Variants in SEMA3A observed in about 807,000 individuals in gnomAD.
SEMA3A encodes the protein semaphorin-3A.
In SEMA3A, 29 loss-of-function variants were observed where a neutral mutation model predicts 97.9. That is an observed-to-expected ratio of 0.30 (90% CI 0.22 to 0.40). SEMA3A has a LOEUF of 0.40. Among genes scored for constraint, SEMA3A ranks in the 10% least tolerant of loss-of-function variants. The pLI is 1.00. For synonymous variants in SEMA3A, 321 were observed against 323.7 expected (o/e 0.99, Z 0.09); for missense variants, 763 against 951.3 (o/e 0.80, Z 2.60).
chr7:84,441,401 G>T (rs184182467), intron 1 of SEMA3A, among the ~76,000 whole-genome samples: 5 of 150,548 alleles, frequency 3.3e-5, no homozygotes, highest in Non-Finnish European at 5.9e-5. Context: ...TATAATAACA[G>T]AAATGAAAAA....
chr7:84,065,942 C>A (rs991561893), intron 4 of SEMA3A, among the ~76,000 whole-genome samples: 1 of 151,480 alleles, frequency 6.6e-6, no homozygotes, highest in Non-Finnish European at 1.5e-5. Context: ...CATTCTGATA[C>A]CAAAGCCAGG....
At chr7:83,985,882 T>C (rs1016871564) in intron 12 of SEMA3A, among the ~76,000 whole-genome samples, 4 of 152,136 alleles carry the variant, frequency 2.6e-5, no homozygotes, top group Non-Finnish European at 5.9e-5. Context: ...CAGGGGTAAT[T>C]CTATGCTTAA....
At chr7:84,439,322 G>T (rs762520995) in intron 1 of SEMA3A, among the ~76,000 whole-genome samples, 43 of 152,168 alleles carry the variant, frequency 2.8e-4, no homozygotes, top group South Asian at 6.2e-4. Flanking sequence ...AAGCATGAAA[G>T]GGTTAGGACA....
chr7:83,977,075 C>T, intron 15 of SEMA3A, 57 bp downstream of exon 15: 1 of 978,138 alleles, frequency 1.0e-6, no homozygotes, highest in Non-Finnish European at 1.5e-6. Flanking sequence ...CATGAATATG[C>T]ATTATTATGA....
At chr7:84,390,415 T>G (rs919802740) in intron 1 of SEMA3A, among the ~76,000 whole-genome samples, 5 of 151,138 alleles carry the variant, frequency 3.3e-5, no homozygotes, top group Admixed American at 3.3e-4. Context: ...TTTTAGAATA[T>G]TAACCCCTTT....
intron 2 of SEMA3A, among the ~76,000 whole-genome samples, chr7:84,345,654 A>T (rs1253964617): frequency 6.6e-6 from 1 of 152,128 alleles, no homozygotes; most frequent in Non-Finnish European, 1.5e-5. Flanking sequence ...ATAAGAAGCA[A>T]CTCCTTATCC....
At chr7:84,097,989 T>C (rs1312527138) in intron 4 of SEMA3A, among the ~76,000 whole-genome samples, 1 of 152,070 alleles carries the variant, frequency 6.6e-6, no homozygotes, top group Non-Finnish European at 1.5e-5. Context: ...AAAAATGTAA[T>C]ATTTCAACAT....
In SEMA3A at chr7:84,321,894, AAAAAAG is replaced by A. The variant is rs1412222542; in HGVS notation, c.-168-14608_-168-14603del. Among the ~76,000 whole-genome samples, 82 of 120,384 alleles carry A rather than the reference AAAAAAG, an allele frequency of 6.8e-4. 2 individuals are homozygous for A. Among genetic ancestry groups the A allele is most frequent in the Non-Finnish European group, 1.2e-3 (64 of 54,274 alleles). 79.0% of individuals were successfully genotyped at this position (120,384 alleles called of 152,430 possible). A position where few individuals can be genotyped will look rare whatever the true frequency, so the allele number is the denominator to read the frequency against. On this transcript the variant is annotated intron_variant, in intron 2 of 3. Coordinates refer to the SEMA3A transcript ENST00000424555. The stretch of plus-strand genomic sequence containing the variant: ...ACGGAAAAAAAAAAAAAAAAAAAAA[AAAAAAG>A]AAGAAGAAGAAGGAGGAAATACCTG...
chr7:84,002,799 T>TTA (rs200860713), intron 11 of SEMA3A, among the ~76,000 whole-genome samples: 2 of 137,764 alleles, frequency 1.5e-5, no homozygotes, highest in Non-Finnish European at 3.2e-5. Flanking sequence ...TGAATGCATT[T>TTA]TATAGAGATT....
chr7:84,344,458 G>A (rs1802246632), intron 2 of SEMA3A, among the ~76,000 whole-genome samples: 2 of 152,130 alleles, frequency 1.3e-5, no homozygotes, highest in South Asian at 4.1e-4. Context: ...GAGAAGGAGA[G>A]AAGACCCAAG....
At chr7:84,312,873 T>TATATAC (rs1801364546) in intron 2 of SEMA3A, among the ~76,000 whole-genome samples, 1 of 14,350 alleles carries the variant, frequency 7.0e-5, no homozygotes. Context: ...GGTGTTGTTT[T>TATATAC]ATATATATAT....
intron 9 of SEMA3A, among the ~76,000 whole-genome samples, chr7:84,009,267 G>A (rs961823638): frequency 5.9e-5 from 9 of 152,194 alleles, no homozygotes; most frequent in Non-Finnish European, 1.2e-4. Context: ...GTAAACAGAA[G>A]AAATGGATTC....
chr7:84,086,380 C>T (rs1794341352), intron 4 of SEMA3A, among the ~76,000 whole-genome samples: 1 of 149,108 alleles, frequency 6.7e-6, no homozygotes, highest in Non-Finnish European at 1.5e-5. Flanking sequence ...TGTTCCTATG[C>T]GATGATAACA....
intron 3 of SEMA3A, among the ~76,000 whole-genome samples, chr7:84,261,532 T>G (rs542368120): frequency 1.3e-5 from 2 of 152,258 alleles, no homozygotes; most frequent in African/African-American, 4.8e-5. Flanking sequence ...GCCACCACAT[T>G]CCCCTCATCC....
rs1290200773 is a variant in SEMA3A, at chr7:83,956,735, T to C, written c.*4636A>G. On this transcript the variant is annotated 3_prime_UTR_variant, in exon 17 of 17. Coordinates refer to ENST00000265362, the MANE Select transcript of SEMA3A (RefSeq NM_006080.3). ...TTCTTTATGAAACCTGTGTTTTATCTGTTTGAATGCTTGTTCTCAGAAAAA... is the reference window on the plus strand; with the variant it reads ...TTCTTTATGAAACCTGTGTTTTATCCGTTTGAATGCTTGTTCTCAGAAAAA... 1 of 152,134 alleles carries C rather than the reference T, an allele frequency of 6.6e-6. No homozygotes were observed. The highest frequency in any genetic ancestry group is 1.5e-5 in the Non-Finnish European group (1 of 67,998). 9.4% of individuals were successfully genotyped at this position (152,134 alleles called of 1,614,324 possible).
rs1491410117 is a variant in SEMA3A at position 84,154,690 on chromosome 7, A to AG, written c.113-19740_113-19739insC. 4.6e-5 allele frequency among the ~76,000 whole-genome samples: 5 copies of AG among 107,624 alleles called. No individual in the cohort carries two copies. In the East Asian group the frequency reaches 1.7e-3, roughly 37 times the overall value. The allele number at this position is 107,624 out of a possible 152,430, so 70.6% of individuals were successfully genotyped here. A position where few individuals can be genotyped will look rare whatever the true frequency, so the allele number is the denominator to read the frequency against. On this transcript the variant is annotated intron_variant, in intron 1 of 16. Transcript: ENST00000265362. ...GACTTAGTCTCAGGGAAAAAAAAAA[A>AG]CAAAAAAAAAAAACAAAAAAAAGAC...
intron 10 of SEMA3A, among the ~76,000 whole-genome samples, chr7:84,006,269 A>T (rs949438410): frequency 1.3e-5 from 2 of 152,124 alleles, no homozygotes; most frequent in Non-Finnish European, 2.9e-5. Context: ...ATGCTAAAAT[A>T]CAAATTCTCT....
At chr7:84,282,986 C>G (rs967378732) in intron 3 of SEMA3A, among the ~76,000 whole-genome samples, 3 of 151,776 alleles carry the variant, frequency 2.0e-5, no homozygotes, top group Non-Finnish European at 2.9e-5. Context: ...TGCACTCTAG[C>G]CTGGGCAATA....
At chr7:84,467,318 C>A (rs1240436236) in intron 1 of SEMA3A, among the ~76,000 whole-genome samples, 1 of 151,890 alleles carries the variant, frequency 6.6e-6, no homozygotes, top group Non-Finnish European at 1.5e-5. Flanking sequence ...GTCAGGAGAT[C>A]GAGACCATCC....
Sources: allele counts gnomAD v4.1 joint callset (sites outside exome capture counted in the v4.1 genomes callset), GRCh38; gene constraint gnomAD v4.1.1; transcripts MANE v1.5; gene names NCBI Gene and HGNC (gene_info 2026-07-23, HGNC 2026-07-21).